Variants in POLR3B observed in about 807,000 individuals in gnomAD.
The protein encoded by POLR3B is RNA polymerase III subunit B, also known as DNA-directed RNA polymerase III subunit RPC2.
A neutral mutation model predicts 147.4 loss-of-function variants in POLR3B; 96 were observed. That is an observed-to-expected ratio of 0.65 (90% CI 0.55 to 0.77). The LOEUF (loss-of-function observed/expected upper bound fraction) is 0.77, where lower values mean the gene tolerates loss of function less well. Among genes scored for constraint, POLR3B ranks in the 30% least tolerant of loss-of-function variants. The pLI is 0.00. For synonymous variants in POLR3B, 461 were observed against 485.9 expected (o/e 0.95, Z 0.67); for missense variants, 1,036 against 1,413.5 (o/e 0.73, Z 4.28).
intron 10 of POLR3B, among the ~76,000 whole-genome samples, chr12:106,394,121 C>T (rs932618346): frequency 2.0e-5 from 3 of 152,054 alleles, no homozygotes; most frequent in African/African-American, 7.2e-5. Flanking sequence ...ATTCTGAAAT[C>T]AAATCAGTAT....
chr12:106,409,888 T>C (rs2037202878), intron 11 of POLR3B, among the ~76,000 whole-genome samples: 1 of 152,228 alleles, frequency 6.6e-6, no homozygotes, highest in South Asian at 2.1e-4. Flanking sequence ...ATGTAGGATC[T>C]ACTTCAGTTT....
chr12:106,412,407 T>G (rs1173421763), intron 12 of POLR3B, among the ~76,000 whole-genome samples: 1 of 152,190 alleles, frequency 6.6e-6, no homozygotes, highest in Non-Finnish European at 1.5e-5. Flanking sequence ...AGCTCAGATC[T>G]TTTTCTTTTG....
At chr12:106,386,120 T>C (rs749204854) in intron 9 of POLR3B, among the ~76,000 whole-genome samples, 34 of 151,828 alleles carry the variant, frequency 2.2e-4, no homozygotes, top group Admixed American at 5.9e-4. Flanking sequence ...CCAAGGTGGG[T>C]GGATCACTTG....
At chr12:106,441,899 G>A (rs1453808344) in intron 18 of POLR3B, among the ~76,000 whole-genome samples, 1 of 152,134 alleles carries the variant, frequency 6.6e-6, no homozygotes, top group Non-Finnish European at 1.5e-5. Context: ...TGACCAACAT[G>A]GAGAAACCCT....
In POLR3B at chr12:106,390,219, GA is replaced by G. The variant is rs375447086; in HGVS notation, c.724-2798del. Among the ~76,000 whole-genome samples the G allele has an allele frequency of 4.3e-3, 515 of 119,426 alleles. 1 individual carries two copies. Among genetic ancestry groups the G allele is most frequent in the African/African-American group, 0.011 (342 of 30,456 alleles). 78.3% of individuals were successfully genotyped at this position (119,426 alleles called of 152,430 possible). ...GGCAACAGAGTAAGACTCTGTCTCT[GA>G]AAAAAAAAAAAAAGCAAAACAAAAA... On this transcript the variant is annotated intron_variant, in intron 9 of 27. Coordinates refer to ENST00000228347, the MANE Select transcript of POLR3B (RefSeq NM_018082.6).
chr12:106,463,457 G>C, intron 22 of POLR3B, 21 bp from the exon 23 acceptor site: 2 of 1,611,756 alleles, frequency 1.2e-6, no homozygotes, highest in East Asian at 4.5e-5. Context: ...CTCTGTTTTA[G>C]TGACTTTCTC....
intron 23 of POLR3B, among the ~76,000 whole-genome samples, chr12:106,493,357 G>T (rs189730671): frequency 2.4e-4 from 37 of 152,234 alleles, no homozygotes; most frequent in East Asian, 1.9e-4. Flanking sequence ...AAACCTTCCC[G>T]CTGTGATTAA....
In POLR3B at chr12:106,410,963, G is replaced by C. The variant is rs1014869129; in HGVS notation, c.1101+3G>C. 17 of 1,609,538 alleles carry C rather than the reference G, an allele frequency of 1.1e-5. No individual in the cohort carries two copies. Among genetic ancestry groups the C allele is most frequent in the Non-Finnish European group, 1.4e-5 (16 of 1,176,246 alleles). On this transcript the variant is annotated splice_donor_region_variant and intron_variant, in intron 12 of 27. Coordinates refer to ENST00000228347, the MANE Select transcript of POLR3B (RefSeq NM_018082.6). ...AGCGACTGGAATTGGCAGGACAGGTGATTTAATATTTTATGTCAGAAATCT... is the reference window on the plus strand; with the variant it reads ...AGCGACTGGAATTGGCAGGACAGGTCATTTAATATTTTATGTCAGAAATCT...
At chr12:106,361,779 G>T (rs922966830) in intron 1 of POLR3B, among the ~76,000 whole-genome samples, 1 of 152,158 alleles carries the variant, frequency 6.6e-6, no homozygotes, top group Non-Finnish European at 1.5e-5. Flanking sequence ...AATTTGCAGG[G>T]TGGCAGAGAA....
At chr12:106,467,915 T>C (rs1317165650) in intron 23 of POLR3B, among the ~76,000 whole-genome samples, 2 of 152,178 alleles carry the variant, frequency 1.3e-5, no homozygotes, top group Non-Finnish European at 2.9e-5. Context: ...TAAAATTCTC[T>C]TTTTTTATTG....
At chr12:106,503,947 G>A (rs982053908) in intron 26 of POLR3B, 134 bp from the exon 27 acceptor site, 7 of 800,806 alleles carry the variant, frequency 8.7e-6, no homozygotes, top group African/African-American at 8.4e-5. Context: ...CGTGTCCAAG[G>A]TCCCTGTCCA....
chr12:106,489,386 C>T lies in POLR3B; in HGVS notation c.2714-6669C>T, dbSNP rs370779528. Among the ~76,000 whole-genome samples, 41 of 152,282 alleles carry T rather than the reference C, an allele frequency of 2.7e-4. No homozygotes were observed. The South Asian group carries it at 4.8e-3, about 18-fold the overall frequency. Reference sequence around the variant, plus strand: ...AGGATTATGCGTATATGGATAAAATCGTTTGGAAGATTCATCATTGACCCT... The same window carrying T: ...AGGATTATGCGTATATGGATAAAATTGTTTGGAAGATTCATCATTGACCCT... On this transcript the variant is annotated intron_variant, in intron 23 of 27. Transcript: ENST00000228347.
At chr12:106,397,897 G>A (rs949388019) in intron 10 of POLR3B, among the ~76,000 whole-genome samples, 5 of 152,200 alleles carry the variant, frequency 3.3e-5, no homozygotes, top group Non-Finnish European at 7.3e-5. Flanking sequence ...GAACAGCTCC[G>A]GTCTACAGCT....
chr12:106,456,720 A>C (rs2037869900), intron 20 of POLR3B, among the ~76,000 whole-genome samples: 1 of 152,154 alleles, frequency 6.6e-6, no homozygotes, highest in South Asian at 2.1e-4. Context: ...GACCTTGGCC[A>C]CTTAATTTCT....
chr12:106,461,760 G>A lies in POLR3B; in HGVS notation c.2571-1718G>A, dbSNP rs541250290. Among the ~76,000 whole-genome samples, 51 of 152,076 alleles carry A rather than the reference G, an allele frequency of 3.4e-4. No individual in the cohort carries two copies. In the East Asian group the frequency reaches 4.1e-3, roughly 12 times the overall value. The stretch of plus-strand genomic sequence containing the variant: ...CCCTTGATGTTGTGACACTGCTCTC[G>A]CCTGGCCCTCCCTATCAGTCTAATC... On this transcript the variant is annotated intron_variant, in intron 22 of 27. Transcript: ENST00000228347.
chr12:106,380,598 C>T (rs2036749137), intron 9 of POLR3B, among the ~76,000 whole-genome samples: 5 of 151,938 alleles, frequency 3.3e-5, no homozygotes, highest in Middle Eastern at 3.4e-3. Flanking sequence ...ATAATAAAAA[C>T]ATTAGCCAAG....
chr12:106,490,778 C>G (rs2038397028), intron 23 of POLR3B, among the ~76,000 whole-genome samples: 1 of 152,202 alleles, frequency 6.6e-6, no homozygotes, highest in Non-Finnish European at 1.5e-5. Context: ...TGTATAAAGG[C>G]TCATTGAGAT....
chr12:106,506,453 G>T (rs963528466), intron 27 of POLR3B, among the ~76,000 whole-genome samples: 2 of 151,968 alleles, frequency 1.3e-5, no homozygotes, highest in African/African-American at 4.8e-5. Context: ...TCACTTATGT[G>T]CTTTGAAAAC....
At chr12:106,412,568 T>G (rs1208488643) in intron 12 of POLR3B, among the ~76,000 whole-genome samples, 1 of 152,214 alleles carries the variant, frequency 6.6e-6, no homozygotes, top group African/African-American at 2.4e-5. Context: ...TTTCCTCAGT[T>G]TCTTTCTGCT....
Sources: gnomAD v4.1 joint callset for allele counts (sites outside exome capture counted in the v4.1 genomes callset) on GRCh38, gnomAD v4.1.1 for gene constraint, MANE v1.5 for transcripts, NCBI Gene and HGNC (gene_info 2026-07-23, HGNC 2026-07-21) for gene names.